ACLY: variants seen among roughly 807,000 people sequenced by gnomAD.
ACLY encodes the protein ATP citrate lyase, also known as ATP-citrate synthase.
Under a neutral mutation model 133.0 loss-of-function variants are expected in ACLY, and 41 were observed. The observed-to-expected ratio is 0.31, with a 90% CI of 0.24 to 0.40. The LOEUF is 0.40. ACLY is among the 10% of genes least tolerant of loss of function. ACLY has a pLI of 1.00. For synonymous variants in ACLY, 495 were observed against 549.3 expected, an observed-to-expected ratio of 0.90 and a Z score of 1.38; for missense variants, 1,046 against 1,453.8, an observed-to-expected ratio of 0.72 and a Z score of 4.56.
intron 4 of ACLY, 31 bp downstream of exon 4, chr17:41,910,191 A>G (rs781977994): frequency 1.2e-6 from 2 of 1,606,232 alleles, no homozygotes; most frequent in Non-Finnish European, 1.7e-6. Flanking sequence ...CAGGAGGGAG[A>G]AGACCCAGCC....
intron 20 of ACLY, among the ~76,000 whole-genome samples, chr17:41,881,355 A>C (rs1555627285): frequency 6.9e-6 from 1 of 145,298 alleles, no homozygotes; most frequent in Non-Finnish European, 1.5e-5. Flanking sequence ...CCAGGGAGGC[A>C]GAGGCTGCGG....
intron 14 of ACLY, among the ~76,000 whole-genome samples, chr17:41,894,749 C>T (rs189537659): frequency 7.2e-5 from 11 of 152,104 alleles, no homozygotes; most frequent in African/African-American, 1.9e-4. Context: ...ACTTTTACCA[C>T]GCTTCAGGCA....
chr17:41,882,729 C>G (rs1317425825), intron 20 of ACLY, among the ~76,000 whole-genome samples: 1 of 152,192 alleles, frequency 6.6e-6, no homozygotes, highest in Non-Finnish European at 1.5e-5. Flanking sequence ...AAACATCTCA[C>G]CAAGCCCCGC....
chr17:41,886,629 T>C (rs1555628191), intron 17 of ACLY, among the ~76,000 whole-genome samples: 1 of 152,150 alleles, frequency 6.6e-6, no homozygotes, highest in Non-Finnish European at 1.5e-5. Flanking sequence ...ATTTTTTTAA[T>C]ACAGTAAGAA....
intron 7 of ACLY, 86 bp from the exon 8 acceptor site, chr17:41,906,732 G>A (rs1405302019): frequency 1.8e-5 from 22 of 1,238,490 alleles, no homozygotes; most frequent in Middle Eastern, 3.8e-4. Flanking sequence ...GCTTTCCCTG[G>A]AAGCACATGA....
chr17:41,901,911 G>T, intron 10 of ACLY, 98 bp from the exon 11 acceptor site: 1 of 930,528 alleles, frequency 1.1e-6, no homozygotes, highest in Non-Finnish European at 1.6e-6. Context: ...TGTGACAAGT[G>T]CTGCTCCTCA....
Position 41,913,489 on chromosome 17 carries a change from A to C in ACLY, c.159+226T>G, listed in dbSNP as rs878892. 1.0e-2 allele frequency among the ~76,000 whole-genome samples: 1,516 copies of C among 152,340 alleles called. 33 individuals are homozygous for C. Among genetic ancestry groups the C allele is most frequent in the African/African-American group, 0.034 (1,431 of 41,574 alleles). ...TAAACACAGCTTTGATTTGGACACC[A>C]GTTTGTCCAGTTTCAAGCCCATGGC... On this transcript the variant is annotated intron_variant, in intron 2 of 28. Transcript: ENST00000352035.
At chr17:41,901,157 G>A (rs1370052062) in intron 11 of ACLY, among the ~76,000 whole-genome samples, 2 of 150,382 alleles carry the variant, frequency 1.3e-5, no homozygotes, top group South Asian at 2.1e-4. Flanking sequence ...GCAGGGTCTC[G>A]CCATGTTGCC....
chr17:41,901,610 A>G, intron 11 of ACLY, 86 bp downstream of exon 11: 1 of 1,170,994 alleles, frequency 8.5e-7, no homozygotes, highest in South Asian at 1.3e-5. Flanking sequence ...AAAAGAGCCT[A>G]AGACTGATGC....
intron 10 of ACLY, among the ~76,000 whole-genome samples, chr17:41,902,536 A>G (rs1025006028): frequency 6.6e-6 from 1 of 152,162 alleles, no homozygotes; most frequent in Admixed American, 6.5e-5. Flanking sequence ...AGTTCTTACA[A>G]TGGATATCCA....
At chr17:41,909,414 CAG>C (rs781902847) in intron 5 of ACLY, 94 bp downstream of exon 5, 17 of 1,392,010 alleles carry the variant, frequency 1.2e-5, no homozygotes, top group Non-Finnish European at 1.7e-5. Context: ...ACCTGGCTCC[CAG>C]AGAGGAGACC....
In ACLY at chr17:41,907,360, G is replaced by C. The variant is rs558865656; in HGVS notation, c.747+82C>G. Reference sequence around the variant, plus strand: ...CCTGCCAAATAAACAGCTCATGAAGGGGGGCCAAATGCACATCAAAGATGA... The same window carrying C: ...CCTGCCAAATAAACAGCTCATGAAGCGGGGCCAAATGCACATCAAAGATGA... On this transcript the variant is annotated intron_variant, in intron 7 of 28. Coordinates refer to ENST00000352035, the MANE Select transcript of ACLY (RefSeq NM_001096.3). 312 of 1,370,426 alleles carry C rather than the reference G, an allele frequency of 2.3e-4. No homozygotes were observed. The African/African-American group carries it at 3.9e-3, about 17-fold the overall frequency. The allele number at this position is 1,370,426 out of a possible 1,614,324, so 84.9% of individuals were successfully genotyped here. A position where few individuals can be genotyped will look rare whatever the true frequency, so the allele number is the denominator to read the frequency against.
intron 11 of ACLY, among the ~76,000 whole-genome samples, chr17:41,901,356 C>T (rs2049533655): frequency 6.6e-6 from 1 of 152,154 alleles, no homozygotes; most frequent in African/African-American, 2.4e-5. Flanking sequence ...TGGCACTCGG[C>T]ACCCCCTGAC....
rs782618329 is a variant in ACLY at position 41,868,692 on chromosome 17, A to G, written c.3211+17T>C. ...GGTTTAAAAAAAAACACTTAAAACA[A>G]CAACGAATGGACTCACCAATGAACC... On this transcript the variant is annotated intron_variant, in intron 28 of 28. Coordinates refer to ENST00000352035, the MANE Select transcript of ACLY (RefSeq NM_001096.3). The G allele has an allele frequency of 1.9e-6, 3 of 1,610,432 alleles. No individual in the cohort carries two copies. Among genetic ancestry groups the G allele is most frequent in the Admixed American group, 1.7e-5 (1 of 59,746 alleles).
chr17:41,927,875 A>G (rs1178386179), intron 1 of ACLY, among the ~76,000 whole-genome samples: 2 of 151,686 alleles, frequency 1.3e-5, no homozygotes, highest in East Asian at 3.9e-4. Context: ...GGTGGCTCAC[A>G]TCTGTAAGCC....
chr17:41,925,561 G>A (rs782359923), intron 1 of ACLY, among the ~76,000 whole-genome samples: 4 of 151,848 alleles, frequency 2.6e-5, no homozygotes, highest in Admixed American at 2.0e-4. Context: ...GCAGTGAGCC[G>A]AGATTGTGCC....
chr17:41,927,199 T>C (rs1254037987), intron 1 of ACLY, among the ~76,000 whole-genome samples: 1 of 152,220 alleles, frequency 6.6e-6, no homozygotes, highest in African/African-American at 2.4e-5. Flanking sequence ...TGTATATACC[T>C]GTGAAACAAT....
rs1334593064 is a variant in ACLY at position 41,890,688 on chromosome 17, C to CA, written c.1770+1590dup. Among the ~76,000 whole-genome samples, 390 of 143,052 alleles carry CA rather than the reference C, an allele frequency of 2.7e-3. 4 individuals are homozygous for CA. Among genetic ancestry groups the CA allele is most frequent in the East Asian group, 0.025 (124 of 4,876 alleles). The allele number at this position is 143,052 out of a possible 152,430, so 93.8% of individuals were successfully genotyped here. Reference sequence around the variant, plus strand: ...GGGCAAAAAGAGTGAAACTCTGTCTCAAAAAAAAAAAATTTTTTTTAATTA... The same window carrying CA: ...GGGCAAAAAGAGTGAAACTCTGTCTCAAAAAAAAAAAAATTTTTTTTAATTA... On this transcript the variant is annotated intron_variant, in intron 16 of 28. Coordinates refer to ENST00000352035, the MANE Select transcript of ACLY (RefSeq NM_001096.3).
intron 22 of ACLY, among the ~76,000 whole-genome samples, chr17:41,876,426 A>G (rs1267973197): frequency 1.3e-5 from 2 of 152,226 alleles, no homozygotes; most frequent in Non-Finnish European, 2.9e-5. Flanking sequence ...CCAACAGCTC[A>G]TTGCGAGCGA....
Sources: allele counts gnomAD v4.1 joint callset (sites outside exome capture counted in the v4.1 genomes callset), GRCh38; gene constraint gnomAD v4.1.1; transcripts MANE v1.5; gene names NCBI Gene and HGNC (gene_info 2026-07-23, HGNC 2026-07-21).